Variants in ARHGAP5 observed in about 807,000 individuals in gnomAD.
The protein encoded by ARHGAP5 is rho GTPase-activating protein 5.
A neutral mutation model predicts 116.6 loss-of-function variants in ARHGAP5; 23 were observed. The observed-to-expected ratio is 0.20, with a 90% CI of 0.14 to 0.28. The LOEUF is 0.28. Ranked by LOEUF, ARHGAP5 falls within the 10% of genes least tolerant of loss-of-function variation. ARHGAP5 has a pLI of 1.00. For synonymous variants in ARHGAP5, 574 were observed against 602.0 expected, an observed-to-expected ratio of 0.95 and a Z score of 0.68; for missense variants, 1,405 against 1,774.8, an observed-to-expected ratio of 0.79 and a Z score of 3.74.
At chr14:32,134,206 A>G (rs1370655157) in intron 3 of ARHGAP5, among the ~76,000 whole-genome samples, 1 of 152,158 alleles carries the variant, frequency 6.6e-6, no homozygotes, top group East Asian at 1.9e-4. Flanking sequence ...TTTTCATGTC[A>G]TGAATTTTTT....
At chr14:32,081,436 C>T (rs2041771933) in intron 1 of ARHGAP5, among the ~76,000 whole-genome samples, 1 of 150,924 alleles carries the variant, frequency 6.6e-6, no homozygotes, top group Non-Finnish European at 1.5e-5. Context: ...GTAGTCCTAG[C>T]TACTTGGGAG....
At position 32,152,536 on chromosome 14, in the gene ARHGAP5, TA is replaced by T. The variant is rs755304307; in HGVS notation, c.4181+9del. 6 of 1,505,696 alleles carry T rather than the reference TA, an allele frequency of 4.0e-6. No homozygotes were observed. Among genetic ancestry groups the T allele is most frequent in the Non-Finnish European group, 4.5e-6 (5 of 1,119,836 alleles). 93.3% of individuals were successfully genotyped at this position (1,505,696 alleles called of 1,614,324 possible). ...GATAACACATCTAAACAGGTATTTTTATTTTTTTAGGGTTTTTTGGCAAATA... is the reference window on the plus strand; with the variant it reads ...GATAACACATCTAAACAGGTATTTTTTTTTTTTAGGGTTTTTTGGCAAATA... On this transcript the variant is annotated intron_variant, in intron 6 of 6. Coordinates refer to ENST00000345122, the MANE Select transcript of ARHGAP5 (RefSeq NM_001030055.2).
Position 32,154,723 on chromosome 14 carries a change from G to C in ARHGAP5, c.4284G>C (p.Leu1428=). Residue 1428 remains leucine, a synonymous_variant, in exon 7 of 7, where the codon CTG becomes CTC. Coordinates refer to ENST00000345122, the MANE Select transcript of ARHGAP5 (RefSeq NM_001030055.2). The part of the protein sequence containing the change: ...MRPDFENREF[L]STTKIHQSVV... ...CTGATTTTGAAAATCGAGAGTTTCTGTCTACTACTAAGATTCATCAATCTG... is the reference window on the plus strand; with the variant it reads ...CTGATTTTGAAAATCGAGAGTTTCTCTCTACTACTAAGATTCATCAATCTG... 1 of 1,614,114 alleles carries C rather than the reference G, an allele frequency of 6.2e-7. No homozygotes were observed. Among genetic ancestry groups the C allele is most frequent in the Non-Finnish European group, 8.5e-7 (1 of 1,179,984 alleles).
intron 2 of ARHGAP5, among the ~76,000 whole-genome samples, chr14:32,098,779 ACT>A (rs1187161699): frequency 6.6e-6 from 1 of 152,212 alleles, no homozygotes; most frequent in Non-Finnish European, 1.5e-5. Flanking sequence ...TAATTTGCTG[ACT>A]CTCTAGGGGA....
In ARHGAP5 at chr14:32,093,499, A is replaced by T. The variant is rs756932114; in HGVS notation, c.2830A>T (p.Met944Leu). 6.2e-7 allele frequency: 1 copy of T among 1,612,432 alleles called. No individual in the cohort carries two copies. Among genetic ancestry groups the T allele is most frequent in the Non-Finnish European group, 8.5e-7 (1 of 1,179,526 alleles). ...TAGTGATGTTCTAGAGAAAAAAAAT[A>T]TGATAGAAAATTCTTATTTGTCTGA... is the stretch of plus-strand genomic sequence containing the variant. Reference protein sequence around the residue: ...FFSDVLEKKNMIENSYLSDNT... With the variant: ...FFSDVLEKKNLIENSYLSDNT... The change falls in exon 2 of 7, where the codon ATG becomes TTG. Residue 944 changes from methionine to leucine, a missense_variant. Around this residue, in one of 6 missense-constraint regions of ARHGAP5, gnomAD observed 944 missense variants for 1,095.3 expected, o/e 0.86. Coordinates refer to ENST00000345122, the MANE Select transcript of ARHGAP5 (RefSeq NM_001030055.2).
At chr14:32,100,566 T>A (rs756129546) in intron 2 of ARHGAP5, among the ~76,000 whole-genome samples, 1 of 152,194 alleles carries the variant, frequency 6.6e-6, no homozygotes, top group Non-Finnish European at 1.5e-5. Flanking sequence ...TAGGTTATTA[T>A]AAGTAATGTA....
intron 2 of ARHGAP5, among the ~76,000 whole-genome samples, chr14:32,105,115 CTA>C (rs1310259910): frequency 6.6e-6 from 1 of 152,088 alleles, no homozygotes; most frequent in African/African-American, 2.4e-5. Context: ...GTGTAGGAGA[CTA>C]TGTCTTGAAA....
intron 3 of ARHGAP5, among the ~76,000 whole-genome samples, chr14:32,126,344 C>G (rs930784822): frequency 6.6e-6 from 1 of 152,102 alleles, no homozygotes; most frequent in African/African-American, 2.4e-5. Context: ...TTCCTTGCCT[C>G]TTTCTTGCTT....
chr14:32,135,692 T>C (rs942655436), intron 3 of ARHGAP5, among the ~76,000 whole-genome samples: 3 of 152,178 alleles, frequency 2.0e-5, no homozygotes, highest in East Asian at 3.8e-4. Context: ...CAAAGTGATG[T>C]GATTACAGGT....
In ARHGAP5 at chr14:32,155,166, A is replaced by T; in HGVS notation, c.*218A>T. 1 of 509,258 alleles carries T rather than the reference A, an allele frequency of 2.0e-6. No homozygotes were observed. The allele number at this position is 509,258 out of a possible 1,614,324, so 31.5% of individuals were successfully genotyped here. Reference sequence around the variant, plus strand: ...AGAGGTTTAATTTTTATAAACAAAAATAGCTATAAAGTACAAAGCTGCTGC... The same window carrying T: ...AGAGGTTTAATTTTTATAAACAAAATTAGCTATAAAGTACAAAGCTGCTGC... On this transcript the variant is annotated 3_prime_UTR_variant, in exon 7 of 7. Transcript: ENST00000345122.
At chr14:32,125,966 C>T (rs1376705813) in intron 3 of ARHGAP5, among the ~76,000 whole-genome samples, 2 of 151,856 alleles carry the variant, frequency 1.3e-5, no homozygotes, top group Non-Finnish European at 2.9e-5. Context: ...ATCTTGTATC[C>T]TGAAATTTTG....
At chr14:32,082,972 C>A (rs138584694) in intron 1 of ARHGAP5, among the ~76,000 whole-genome samples, 2 of 152,240 alleles carry the variant, frequency 1.3e-5, no homozygotes, top group Non-Finnish European at 2.9e-5. Context: ...TTGCTTATGA[C>A]AAAGTCTAAC....
intron 4 of ARHGAP5, 79 bp downstream of exon 4, chr14:32,146,419 T>C: frequency 9.2e-7 from 1 of 1,081,808 alleles, no homozygotes; most frequent in South Asian, 1.4e-5. Context: ...AGATTGATTT[T>C]CATTTGAAAA....
Position 32,094,010 on chromosome 14 carries a change from A to G in ARHGAP5, c.3341A>G (p.Asp1114Gly). Reference protein sequence around the residue: ...YSDEIYVVPDDSQNRIKIRNS... With the variant: ...YSDEIYVVPDGSQNRIKIRNS... ...GATGAGATTTATGTTGTCCCAGATG[A>G]TAGTCAAAATCGTATTAAAATTCGA... The change falls in exon 2 of 7, where the codon GAT (aspartate) becomes GGT (glycine). Residue 1114 changes from aspartate (D) to glycine (G), a missense_variant. Coordinates refer to ENST00000345122, the MANE Select transcript of ARHGAP5 (RefSeq NM_001030055.2). 1 of 1,613,300 alleles carries G rather than the reference A, an allele frequency of 6.2e-7. No individual in the cohort carries two copies. Among genetic ancestry groups the G allele is most frequent in the African/African-American group, 1.3e-5 (1 of 74,950 alleles).
intron 3 of ARHGAP5, 91 bp downstream of exon 3, chr14:32,117,378 T>C (rs921735944): frequency 4.3e-6 from 5 of 1,176,440 alleles, no homozygotes; most frequent in African/African-American, 1.5e-5. Context: ...TTTGTTAATA[T>C]AGTTCTCATT....
intron 3 of ARHGAP5, among the ~76,000 whole-genome samples, chr14:32,145,108 A>C (rs1033066823): frequency 6.6e-6 from 1 of 152,146 alleles, no homozygotes; most frequent in Admixed American, 6.5e-5. Flanking sequence ...CCAGCAGGGG[A>C]GGAGGGCTGC....
rs1346849635 is a variant in ARHGAP5, at chr14:32,091,967, A to C, written c.1298A>C (p.Lys433Thr). The stretch of plus-strand genomic sequence containing the variant: ...AAGAGGAGGGTGGAAATGAAGGAAA[A>C]ATTCAAAAAGACTTTGGAAAAAATT... ...SEKRRVEMKE[K>T]FKKTLEKIQF... is the part of the protein sequence containing the mutation. The change falls in exon 2 of 7, where the codon AAA becomes ACA. Residue 433 changes from lysine to threonine, a missense_variant. By Grantham distance (78) the Lys-to-Thr change is moderately conservative. Transcript: ENST00000345122. 7 of 1,613,620 alleles carry C rather than the reference A, an allele frequency of 4.3e-6. No homozygotes were observed. Among genetic ancestry groups the C allele is most frequent in the Non-Finnish European group, 5.9e-6 (7 of 1,179,710 alleles).
intron 3 of ARHGAP5, among the ~76,000 whole-genome samples, chr14:32,127,562 A>G (rs1362162870): frequency 6.6e-6 from 1 of 152,194 alleles, no homozygotes; most frequent in Non-Finnish European, 1.5e-5. Context: ...GGAGTCTCCT[A>G]TGTCTACTTC....
At chr14:32,136,717 T>G (rs1487876701) in intron 3 of ARHGAP5, among the ~76,000 whole-genome samples, 3 of 152,200 alleles carry the variant, frequency 2.0e-5, no homozygotes, top group African/African-American at 7.2e-5. Context: ...TATTTTACAT[T>G]CTTATCAGCA....
Sources: gnomAD v4.1 joint callset for allele counts (sites outside exome capture counted in the v4.1 genomes callset) on GRCh38, gnomAD v4.1.1 for gene constraint, gnomAD v4.1.1 regional missense constraint, MANE v1.5 for transcripts, NCBI Gene and HGNC (gene_info 2026-07-23, HGNC 2026-07-21) for gene names.